Variants in DMXL1 observed in about 807,000 individuals in gnomAD.
DMXL1 encodes the protein dmX-like protein 1.
DMXL1 carries 99 observed loss-of-function variants against 319.2 expected under a neutral mutation model. That is an observed-to-expected ratio of 0.31 (90% confidence interval 0.26 to 0.37). The LOEUF (loss-of-function observed/expected upper bound fraction) is 0.37, where lower values mean the gene tolerates loss of function less well. DMXL1 is among the 10% of genes least tolerant of loss of function. The probability of loss-of-function intolerance (pLI) is 1.00; values close to 1 mark genes in which losing one functional copy is unlikely to be tolerated. For synonymous variants in DMXL1, 1,385 were observed against 1,235.2 expected (o/e 1.12, Z -2.54); for missense variants, 3,745 against 3,595.6 (o/e 1.04, Z -1.06).
chr5:119,095,547 T>G (rs943681685), intron 1 of DMXL1, among the ~76,000 whole-genome samples: 6 of 152,156 alleles, frequency 3.9e-5, no homozygotes, highest in Admixed American at 1.3e-4. Context: ...ACAACAAAGG[T>G]GAAGTTGTGA....
chr5:119,198,977 C>T (rs191104742), intron 32 of DMXL1, among the ~76,000 whole-genome samples: 1 of 152,292 alleles, frequency 6.6e-6, no homozygotes, highest in East Asian at 1.9e-4. Flanking sequence ...GCCTCCACCT[C>T]CTAGGCACAA....
At chr5:119,217,496 A>G (rs550804671) in intron 35 of DMXL1, among the ~76,000 whole-genome samples, 5 of 152,292 alleles carry the variant, frequency 3.3e-5, no homozygotes, top group Admixed American at 2.6e-4. Context: ...CTTAGGTACT[A>G]TAGTCCAAGA....
In DMXL1 at chr5:119,171,504, A is replaced by G. The variant is rs138041821; in HGVS notation, c.6489+224A>G. 2.9e-4 allele frequency among the ~76,000 whole-genome samples: 26 copies of G among 88,338 alleles called. No homozygotes were observed. The East Asian group carries it at 0.013, about 43-fold the overall frequency. 58.0% of individuals were successfully genotyped at this position (88,338 alleles called of 152,430 possible). On this transcript the variant is annotated intron_variant, in intron 24 of 43. Transcript: ENST00000539542. ...TATGACCTGCTTAATTCACACTCCA[A>G]AGTGTTGTCTGAATGCCTTTGTAGG... is the stretch of plus-strand genomic sequence containing the variant.
At position 119,122,135 on chromosome 5, in the gene DMXL1, G is replaced by T. The variant is rs1417787040; in HGVS notation, c.1102+996G>T. Among the ~76,000 whole-genome samples the T allele has an allele frequency of 2.1e-3, 288 of 136,420 alleles. 2 individuals are homozygous for T. Among genetic ancestry groups the T allele is most frequent in the African/African-American group, 7.8e-3 (278 of 35,756 alleles). 89.5% of individuals were successfully genotyped at this position (136,420 alleles called of 152,430 possible). A position where few individuals can be genotyped will look rare whatever the true frequency, so the allele number is the denominator to read the frequency against. Reference sequence around the variant, plus strand: ...GGACGGGGCGGCTGGCCGGGCGGGGGGCTGACCCCCCCACCTCCCTCCCAG... The same window carrying T: ...GGACGGGGCGGCTGGCCGGGCGGGGTGCTGACCCCCCCACCTCCCTCCCAG... On this transcript the variant is annotated intron_variant, in intron 9 of 43. Coordinates refer to ENST00000539542, the MANE Select transcript of DMXL1 (RefSeq NM_001290321.3).
chr5:119,245,334 T>C (rs1259376451), intron 43 of DMXL1, among the ~76,000 whole-genome samples: 2 of 152,204 alleles, frequency 1.3e-5, no homozygotes, highest in Non-Finnish European at 1.5e-5. Context: ...CTTACACTTA[T>C]TTAGTAGAAT....
At position 119,131,662 on chromosome 5, in the gene DMXL1, A is replaced by T. The variant is rs142065857; in HGVS notation, c.1316-1470A>T. On this transcript the variant is annotated intron_variant, in intron 10 of 43. Coordinates refer to ENST00000539542, the MANE Select transcript of DMXL1 (RefSeq NM_001290321.3). ...TACTAAAGGTTAACTGAGTGGTTAA[A>T]TATAGAACATCTGCATTGAGAAGCC... Among the ~76,000 whole-genome samples the T allele has an allele frequency of 8.9e-4, 135 of 152,330 alleles. 2 individuals carry two copies. The East Asian group carries it at 0.014, about 16-fold the overall frequency.
chr5:119,111,983 C>T (rs948093385), intron 5 of DMXL1, among the ~76,000 whole-genome samples: 7 of 150,908 alleles, frequency 4.6e-5, no homozygotes, highest in African/African-American at 1.2e-4. Context: ...TTTTTTGAGA[C>T]GAAGTCTCGC....
chr5:119,097,114 C>A (rs1756144852), intron 1 of DMXL1, among the ~76,000 whole-genome samples: 1 of 152,078 alleles, frequency 6.6e-6, no homozygotes, highest in South Asian at 2.1e-4. Flanking sequence ...AGATAAACAC[C>A]TTGAGATGTA....
In DMXL1 at chr5:119,098,039, A is replaced by G; in HGVS notation, c.148A>G (p.Ile50Val). Residue 50 changes from isoleucine (I) to valine (V), a missense_variant, in exon 2 of 44, where the codon ATC becomes GTC. By Grantham distance (29) the Ile-to-Val change is conservative. Coordinates refer to ENST00000539542, the MANE Select transcript of DMXL1 (RefSeq NM_001290321.3). ...LGSDFERLQI[I>V]PGAKHGNIQV... ...AAGCGATTTTGAAAGATTACAGATA[A>G]TCCCAGGAGCTAAACATGGAAATAT... is the stretch of plus-strand genomic sequence containing the variant. 3 of 1,609,824 alleles carry G rather than the reference A, an allele frequency of 1.9e-6. No homozygotes were observed. The highest frequency in any genetic ancestry group is 2.5e-6 in the Non-Finnish European group (3 of 1,178,928).
chr5:119,199,069 G>A (rs1167481297), intron 32 of DMXL1, among the ~76,000 whole-genome samples: 1 of 152,010 alleles, frequency 6.6e-6, no homozygotes, highest in Non-Finnish European at 1.5e-5. Context: ...TGTATTTTTT[G>A]TAGAGACAGG....
Position 119,143,741 on chromosome 5 carries a change from A to C in DMXL1, c.2377-100A>C, listed in dbSNP as rs1767918386. On this transcript the variant is annotated intron_variant, in intron 13 of 43. Transcript: ENST00000539542. ...AAGGGACTATATTTAGGCCCACTTG[A>C]ATTTTATTGTTATTTATCTGTTATG... 2.8e-5 allele frequency: 20 copies of C among 727,270 alleles called. No individual in the cohort carries two copies. In the South Asian group the frequency reaches 4.9e-4, roughly 18 times the overall value. The allele number at this position is 727,270 out of a possible 1,614,324, so 45.1% of individuals were successfully genotyped here. A position where few individuals can be genotyped will look rare whatever the true frequency, so the allele number is the denominator to read the frequency against.
chr5:119,165,050 C>T (rs911329835), intron 20 of DMXL1, 133 bp from the exon 21 acceptor site: 91 of 608,360 alleles, frequency 1.5e-4, no homozygotes, highest in Middle Eastern at 4.4e-4. Flanking sequence ...TATATACATG[C>T]ACATATTATT....
At chr5:119,167,215 G>A (rs1773612449) in intron 22 of DMXL1, among the ~76,000 whole-genome samples, 1 of 152,076 alleles carries the variant, frequency 6.6e-6, no homozygotes, top group Non-Finnish European at 1.5e-5. Context: ...TTTGCTCAGA[G>A]TTTCATACAA....
chr5:119,182,504 G>T (rs1300113009), intron 28 of DMXL1, among the ~76,000 whole-genome samples: 1 of 152,028 alleles, frequency 6.6e-6, no homozygotes. Flanking sequence ...TCCTTGTTCT[G>T]TTATAAATTT....
At chr5:119,088,523 C>G (rs746288467) in intron 1 of DMXL1, among the ~76,000 whole-genome samples, 7 of 152,168 alleles carry the variant, frequency 4.6e-5, no homozygotes, top group Non-Finnish European at 7.4e-5. Context: ...GGATTTACTA[C>G]TAGCGTTTTG....
At position 119,169,250 on chromosome 5, in the gene DMXL1, A is replaced by C. The variant is rs13188701; in HGVS notation, c.5399-940A>C. Among the ~76,000 whole-genome samples the C allele has an allele frequency of 2.9e-3, 438 of 152,336 alleles. 1 individual carries two copies. Among genetic ancestry groups the C allele is most frequent in the Non-Finnish European group, 4.2e-3 (285 of 68,022 alleles). On this transcript the variant is annotated intron_variant, in intron 23 of 43. Transcript: ENST00000539542. ...TTTGATTTGGGACTAGTACATTTTTACATACTTTTATTATGAATTAAACTT... is the reference window on the plus strand; with the variant it reads ...TTTGATTTGGGACTAGTACATTTTTCCATACTTTTATTATGAATTAAACTT...
At chr5:119,178,556 TTTC>T (rs1776251265) in intron 28 of DMXL1, 1 of 952,170 alleles carries the variant, frequency 1.1e-6, no homozygotes, top group African/African-American at 1.8e-5. Context: ...ATACGGATTC[TTTC>T]TTCTTTCTTT....
At chr5:119,218,903 C>G (rs1784168179) in intron 35 of DMXL1, among the ~76,000 whole-genome samples, 3 of 152,060 alleles carry the variant, frequency 2.0e-5, no homozygotes, top group African/African-American at 7.2e-5. Context: ...TATGAAGGGT[C>G]TCAGATTTTA....
rs938909059 is a variant in DMXL1 at position 119,097,132 on chromosome 5, A to G, written c.88-847A>G. ...TAAACACCTTGAGATGTAAAAAGGA[A>G]CAGAAACAAGAGCCAGCTGAGAGAA... On this transcript the variant is annotated intron_variant, in intron 1 of 43. Coordinates refer to ENST00000539542, the MANE Select transcript of DMXL1 (RefSeq NM_001290321.3). 2.6e-5 allele frequency among the ~76,000 whole-genome samples: 4 copies of G among 152,338 alleles called. 1 individual carries two copies. Among genetic ancestry groups the G allele is most frequent in the East Asian group, 1.9e-4 (1 of 5,192 alleles).
Sources: allele counts gnomAD v4.1 joint callset (sites outside exome capture counted in the v4.1 genomes callset), GRCh38; gene constraint gnomAD v4.1.1; transcripts MANE v1.5; gene names NCBI Gene and HGNC (gene_info 2026-07-23, HGNC 2026-07-21).